The following TBXAS1 variants were observed in gnomAD, a reference collection of about 807,000 sequenced individuals.
The protein encoded by TBXAS1 is thromboxane A synthase 1, also known as thromboxane-A synthase.
A neutral mutation model predicts 60.7 loss-of-function variants in TBXAS1; 48 were observed. The ratio of observed to expected loss-of-function variants is 0.79; its 90% confidence interval spans 0.63 to 1.01. TBXAS1 has a LOEUF of 1.01. Ranked by LOEUF, TBXAS1 falls within the 50% of genes least tolerant of loss-of-function variation. TBXAS1 has a pLI of 0.00. For synonymous variants in TBXAS1, 287 were observed against 269.7 expected (o/e 1.06, Z -0.63); for missense variants, 685 against 686.3 (o/e 1.00, Z 0.02).
chr7:139,811,335 A>G (rs1253620446), intron 4 of TBXAS1, among the ~76,000 whole-genome samples: 1 of 152,240 alleles, frequency 6.6e-6, no homozygotes, highest in Non-Finnish European at 1.5e-5. Flanking sequence ...TGTGGGTAAG[A>G]GGGATGAGCT....
chr7:139,800,541 A>G (rs1446142347), intron 4 of TBXAS1, among the ~76,000 whole-genome samples: 1 of 151,770 alleles, frequency 6.6e-6, no homozygotes, highest in African/African-American at 2.4e-5. Flanking sequence ...TATTTCCTTC[A>G]TACCTTTTTA....
chr7:139,871,037 C>A (rs538670435), intron 1 of TBXAS1, among the ~76,000 whole-genome samples: 1 of 152,292 alleles, frequency 6.6e-6, no homozygotes, highest in South Asian at 2.1e-4. Context: ...TGCAGTGAGC[C>A]TCCACTGCAC....
At chr7:140,014,720 C>A (rs551107453) in intron 10 of TBXAS1, among the ~76,000 whole-genome samples, 1 of 151,784 alleles carries the variant, frequency 6.6e-6, no homozygotes, top group African/African-American at 2.4e-5. Flanking sequence ...ACCAGCCTGA[C>A]CAACATGGTG....
intron 3 of TBXAS1, among the ~76,000 whole-genome samples, chr7:139,894,870 G>T (rs143222573): frequency 9.1e-4 from 138 of 152,272 alleles, no homozygotes; most frequent in African/African-American, 3.1e-3. Flanking sequence ...GGCAGTGGGA[G>T]AGACTACCCA....
chr7:139,904,481 A>C (rs186425623), intron 3 of TBXAS1, among the ~76,000 whole-genome samples: 4 of 152,296 alleles, frequency 2.6e-5, no homozygotes, highest in East Asian at 1.9e-4. Flanking sequence ...AATTCTGTGA[A>C]GAATGATGGT....
chr7:140,007,009 G>A (rs1814126331), intron 9 of TBXAS1, 82 bp from the exon 10 acceptor site: 3 of 1,345,112 alleles, frequency 2.2e-6, no homozygotes, highest in Non-Finnish European at 3.2e-6. Context: ...TTGGAAACGA[G>A]ATTGAAATTT....
Position 139,829,551 on chromosome 7 carries a change from C to T in TBXAS1, c.89+72C>T, listed in dbSNP as rs565052284. On this transcript the variant is annotated intron_variant, in intron 1 of 12. Transcript: ENST00000448866. ...CCCTGGAGCCTTGCTGGTGCCATGG[C>T]GGGGTATGTGGGAGTGTGTTTTTCT... The T allele has an allele frequency of 2.9e-5, 41 of 1,406,400 alleles. No homozygotes were observed. In the South Asian group the frequency reaches 4.6e-4, roughly 16 times the overall value. The allele number at this position is 1,406,400 out of a possible 1,614,324, so 87.1% of individuals were successfully genotyped here.
intron 9 of TBXAS1, among the ~76,000 whole-genome samples, chr7:139,973,346 C>G (rs1025583090): frequency 1.3e-5 from 2 of 152,156 alleles, no homozygotes; most frequent in African/African-American, 4.8e-5. Context: ...ATAGCTTCTG[C>G]CTGGGGGCTG....
At chr7:139,859,197 T>C (rs1251420152) in intron 1 of TBXAS1, among the ~76,000 whole-genome samples, 1 of 147,716 alleles carries the variant, frequency 6.8e-6, no homozygotes, top group African/African-American at 2.5e-5. Context: ...TTTTTATCGT[T>C]AGTTTTTTTT....
chr7:139,938,868 T>A (rs2117212993), intron 5 of TBXAS1, among the ~76,000 whole-genome samples: 1 of 152,372 alleles, frequency 6.6e-6, no homozygotes, highest in Non-Finnish European at 1.5e-5. Flanking sequence ...TCCTGGGCTA[T>A]GATTCTTTGA....
At chr7:139,923,990 C>T (rs1188659495) in intron 4 of TBXAS1, among the ~76,000 whole-genome samples, 1 of 152,112 alleles carries the variant, frequency 6.6e-6, no homozygotes, top group Non-Finnish European at 1.5e-5. Context: ...TTTTTTATGG[C>T]TGAATTGTAC....
intron 5 of TBXAS1, among the ~76,000 whole-genome samples, chr7:139,938,357 G>A (rs1232715115): frequency 6.6e-6 from 1 of 152,130 alleles, no homozygotes; most frequent in Non-Finnish European, 1.5e-5. Context: ...TGCAGCCTGG[G>A]TTTGAGGATA....
chr7:139,797,928 AAG>A (rs1199631738), intron 4 of TBXAS1, among the ~76,000 whole-genome samples: 2 of 152,326 alleles, frequency 1.3e-5, no homozygotes, highest in African/African-American at 4.8e-5. Flanking sequence ...AAATAGAACA[AAG>A]AGATGCTTCC....
chr7:140,019,538 C>A (rs1815378250), intron 12 of TBXAS1, among the ~76,000 whole-genome samples: 1 of 152,124 alleles, frequency 6.6e-6, no homozygotes, highest in Admixed American at 6.5e-5. Flanking sequence ...GGCTATGGCT[C>A]CCACAGGAGA....
At chr7:139,959,753 C>T (rs1200712763) in intron 8 of TBXAS1, among the ~76,000 whole-genome samples, 1 of 152,158 alleles carries the variant, frequency 6.6e-6, no homozygotes, top group African/African-American at 2.4e-5. Context: ...CTCAGCAAAG[C>T]CATAGCCAAG....
At chr7:139,877,240 G>A (rs1171278782) in intron 3 of TBXAS1, among the ~76,000 whole-genome samples, 1 of 152,048 alleles carries the variant, frequency 6.6e-6, no homozygotes, top group Non-Finnish European at 1.5e-5. Context: ...AAGCAACCCT[G>A]CTTCACTCCC....
intron 9 of TBXAS1, among the ~76,000 whole-genome samples, chr7:139,976,203 C>T (rs760318419): frequency 6.6e-6 from 1 of 152,252 alleles, no homozygotes; most frequent in Non-Finnish European, 1.5e-5. Context: ...GAGTCACTCT[C>T]CTCCCACTCC....
chr7:139,901,769 C>G (rs997183484), intron 3 of TBXAS1, among the ~76,000 whole-genome samples: 4 of 151,896 alleles, frequency 2.6e-5, no homozygotes, highest in Non-Finnish European at 4.4e-5. Flanking sequence ...GAAACCATGG[C>G]CCTAGGACAG....
chr7:139,925,692 T>C (rs1806825779), intron 4 of TBXAS1, among the ~76,000 whole-genome samples: 1 of 152,236 alleles, frequency 6.6e-6, no homozygotes, highest in South Asian at 2.1e-4. Flanking sequence ...TGAATAACAG[T>C]GGTGAAAGTG....
Sources: allele counts gnomAD v4.1 joint callset (sites outside exome capture counted in the v4.1 genomes callset), GRCh38; gene constraint gnomAD v4.1.1; transcripts MANE v1.5; gene names NCBI Gene and HGNC (gene_info 2026-07-23, HGNC 2026-07-21).